NLRC3: variants seen among roughly 807,000 people sequenced by gnomAD.
NLRC3 encodes NLR family CARD domain-containing protein 3.
A neutral mutation model predicts 91.6 loss-of-function variants in NLRC3; 87 were observed. That is an observed-to-expected ratio of 0.95 (90% CI 0.80 to 1.14). The LOEUF (loss-of-function observed/expected upper bound fraction) is 1.14, where lower values mean the gene tolerates loss of function less well. NLRC3 is among the 50% of genes most tolerant of loss of function. NLRC3 has a pLI of 0.00. For missense variants in NLRC3, 1,577 were observed against 1,418.6 expected (o/e 1.11, Z -1.79); for synonymous variants, 694 against 625.3 (o/e 1.11, Z -1.64).
In NLRC3 at chr16:3,567,305, G is replaced by C. The variant is rs9931327; in HGVS notation, c.-149C>G. The C allele has an allele frequency of 6.6e-6, 1 of 152,252 alleles. No homozygotes were observed. The highest frequency in any genetic ancestry group is 2.4e-5 in the African/African-American group (1 of 41,448). The allele number at this position is 152,252 out of a possible 1,614,324, so 9.4% of individuals were successfully genotyped here. On this transcript the variant is annotated 5_prime_UTR_variant, in exon 2 of 20. Transcript: ENST00000359128. ...CCAGGAACTCAATGGATGGGGCTCAGCCTTCCGTTGTCCACAGTTCTAGGA... is the reference window on the plus strand; with the variant it reads ...CCAGGAACTCAATGGATGGGGCTCACCCTTCCGTTGTCCACAGTTCTAGGA...
chr16:3,574,320 G>A (rs905762201), intron 1 of NLRC3, among the ~76,000 whole-genome samples: 1 of 151,834 alleles, frequency 6.6e-6, no homozygotes, highest in Non-Finnish European at 1.5e-5. Context: ...AATAACCAAC[G>A]CTCGGCCTGA....
chr16:3,549,174 G>A lies in NLRC3; in HGVS notation c.2571C>T (p.Ala857=), dbSNP rs1367463800. ...SPEGAQAIAH[A]LCANSTLKNL... ...TCTTCAGGGTGCTGTTGGCGCAGAG[G>A]GCATGAGCGATGGCCTGGGCTCCCT... Residue 857 remains alanine (A), a synonymous_variant, in exon 13 of 20, where the codon GCC becomes GCT. Coordinates refer to ENST00000359128, the MANE Select transcript of NLRC3 (RefSeq NM_178844.4). The A allele has an allele frequency of 1.3e-6, 2 of 1,587,566 alleles. No individual in the cohort carries two copies. Among genetic ancestry groups the A allele is most frequent in the Non-Finnish European group, 1.7e-6 (2 of 1,166,722 alleles).
intron 1 of NLRC3, among the ~76,000 whole-genome samples, chr16:3,571,544 TA>T (rs77866901): frequency 0.047 from 5,494 of 118,086 alleles, 110 homozygotes; most frequent in Middle Eastern, 0.11. Context: ...ACCCTGGCTT[TA>T]AAAAAAAAAA....
chr16:3,561,995 G>A (rs926465604), intron 5 of NLRC3, among the ~76,000 whole-genome samples: 2 of 152,186 alleles, frequency 1.3e-5, no homozygotes, highest in African/African-American at 4.8e-5. Flanking sequence ...TGTGCAGAAC[G>A]GCATCTTCCA....
In NLRC3 at chr16:3,577,243, G is replaced by A. The variant is rs533707122; in HGVS notation, c.-263C>T. ...CTGGGCTCAGCCCTGCTCCAGCTGC[G>A]TGGTGGTAGATGCCCTGGGAATCCC... is the stretch of plus-strand genomic sequence containing the variant. On this transcript the variant is annotated 5_prime_UTR_variant, in exon 1 of 20. It adds an upstream start codon to the 5' untranslated region. Coordinates refer to ENST00000359128, the MANE Select transcript of NLRC3 (RefSeq NM_178844.4). The A allele has an allele frequency of 3.4e-5, 24 of 702,014 alleles. No individual in the cohort carries two copies. The highest frequency in any genetic ancestry group is 1.0e-4 in the South Asian group (7 of 67,534). The allele number at this position is 702,014 out of a possible 1,614,324, so 43.5% of individuals were successfully genotyped here. A position where few individuals can be genotyped will look rare whatever the true frequency, so the allele number is the denominator to read the frequency against.
chr16:3,569,397 A>ATT lies in NLRC3; in HGVS notation c.-168-2075_-168-2074dup, dbSNP rs1203778704. On this transcript the variant is annotated intron_variant, in intron 1 of 19. Coordinates refer to ENST00000359128, the MANE Select transcript of NLRC3 (RefSeq NM_178844.4). ...ATATATATATATATATATATATATT[A>ATT]TTTTTTTTTTTTTTTTTTTTTTTTG... 6.4e-3 allele frequency among the ~76,000 whole-genome samples: 264 copies of ATT among 41,024 alleles called. 8 individuals carry two copies. Among genetic ancestry groups the ATT allele is most frequent in the African/African-American group, 0.012 (100 of 8,074 alleles). 26.9% of individuals were successfully genotyped at this position (41,024 alleles called of 152,430 possible).
rs2038330353 is a variant in NLRC3 at position 3,539,839 on chromosome 16, G to A, written c.*1986C>T. 6.6e-6 allele frequency: 1 copy of A among 152,206 alleles called. No homozygotes were observed. The highest frequency in any genetic ancestry group is 1.5e-5 in the Non-Finnish European group (1 of 68,040). The allele number at this position is 152,206 out of a possible 1,614,324, so 9.4% of individuals were successfully genotyped here. A position where few individuals can be genotyped will look rare whatever the true frequency, so the allele number is the denominator to read the frequency against. ...AGTCTAGGATCCAGTCAGAGATCTT[G>A]CATTAAATTATATCTCTGTAATCTT... is the stretch of plus-strand genomic sequence containing the variant. On this transcript the variant is annotated 3_prime_UTR_variant, in exon 20 of 20. Coordinates refer to ENST00000359128, the MANE Select transcript of NLRC3 (RefSeq NM_178844.4).
At chr16:3,550,735 A>C (rs80269975) in intron 10 of NLRC3, among the ~76,000 whole-genome samples, 1 of 152,160 alleles carries the variant, frequency 6.6e-6, no homozygotes, top group South Asian at 2.1e-4. Flanking sequence ...AGAAGGGTCA[A>C]CCCTTCAGTG....
rs138491174 is a variant in NLRC3 at position 3,554,730 on chromosome 16, T to C, written c.2184-405A>G. ...TGGCAGGTCCTTAAAAGGTTAAACA[T>C]GGGTTGACCATGTGACCCAGCAATT... On this transcript the variant is annotated intron_variant, in intron 8 of 19. Transcript: ENST00000359128. 4.7e-4 allele frequency among the ~76,000 whole-genome samples: 71 copies of C among 152,280 alleles called. No homozygotes were observed. In the East Asian group the frequency reaches 5.2e-3, roughly 11 times the overall value.
rs2038334768 is a variant in NLRC3 at position 3,540,003 on chromosome 16, T to G, written c.*1822A>C. 6.6e-6 allele frequency: 1 copy of G among 152,246 alleles called. No individual in the cohort carries two copies. Among genetic ancestry groups the G allele is most frequent in the African/African-American group, 2.4e-5 (1 of 41,462 alleles). The allele number at this position is 152,246 out of a possible 1,614,324, so 9.4% of individuals were successfully genotyped here. On this transcript the variant is annotated 3_prime_UTR_variant, in exon 20 of 20. Coordinates refer to ENST00000359128, the MANE Select transcript of NLRC3 (RefSeq NM_178844.4). The stretch of plus-strand genomic sequence containing the variant: ...TTTCATGATTAGAATCAGGCAAACA[T>G]TTTTTGACAAGAATACATCAGAGAC...
chr16:3,542,312 C>T (rs1336437706), intron 18 of NLRC3, 38 bp from the exon 19 acceptor site: 1 of 1,344,910 alleles, frequency 7.4e-7, no homozygotes, highest in Non-Finnish European at 1.0e-6. Flanking sequence ...GGTGAGCCAT[C>T]AGGGCAGAAG....
At chr16:3,542,048 C>T in intron 19 of NLRC3, 133 bp from the exon 20 acceptor site, 1 of 794,876 alleles carries the variant, frequency 1.3e-6, no homozygotes, top group Non-Finnish European at 2.1e-6. Flanking sequence ...ATGGACAAGG[C>T]TCAGGGTACC....
intron 1 of NLRC3, among the ~76,000 whole-genome samples, chr16:3,572,639 A>G (rs1000924606): frequency 6.6e-6 from 1 of 152,182 alleles, no homozygotes; most frequent in African/African-American, 2.4e-5. Context: ...TAGTATAACA[A>G]TTCTGGATTA....
chr16:3,560,383 ACTGCACTCC>A (rs2039551711), intron 6 of NLRC3, among the ~76,000 whole-genome samples: 4 of 152,026 alleles, frequency 2.6e-5, no homozygotes, highest in Non-Finnish European at 4.4e-5. Context: ...AGATCGTGCC[ACTGCACTCC>A]AGCCTGCCCA....
At chr16:3,562,844 G>A in intron 5 of NLRC3, 165 bp downstream of exon 5, 1 of 734,286 alleles carries the variant, frequency 1.4e-6, no homozygotes, top group Non-Finnish European at 2.4e-6. Context: ...CTGGCCTCCA[G>A]AACTGCGAGA....
chr16:3,575,165 T>C (rs2040238293), intron 1 of NLRC3, among the ~76,000 whole-genome samples: 1 of 152,208 alleles, frequency 6.6e-6, no homozygotes, highest in Non-Finnish European at 1.5e-5. Context: ...GCTTTCATCC[T>C]GGACACTGTC....
At position 3,563,185 on chromosome 16, in the gene NLRC3, C is replaced by T. The variant is rs763292342; in HGVS notation, c.1752G>A (p.Glu584=). ...CCAGGGCCCCGCTCTCCATGGCCTC[C>T]TCCACGCTGCGGGCCAGCTCGGTGT... ...LQHTELARSV[E]EAMESGALAR... Residue 584 remains glutamate (E), a synonymous_variant, in exon 5 of 20, where the codon GAG becomes GAA. Transcript: ENST00000359128. The T allele has an allele frequency of 1.3e-5, 21 of 1,594,074 alleles. No homozygotes were observed. The highest frequency in any genetic ancestry group is 1.4e-5 in the Non-Finnish European group (16 of 1,172,770).
chr16:3,547,125 C>G (rs745931730), intron 15 of NLRC3, among the ~76,000 whole-genome samples: 9 of 152,346 alleles, frequency 5.9e-5, no homozygotes, highest in Admixed American at 5.9e-4. Context: ...CCGTTCCTAA[C>G]AGCCAAGTAG....
At chr16:3,569,389 TA>T (rs1567153865) in intron 1 of NLRC3, among the ~76,000 whole-genome samples, 48 of 106,042 alleles carry the variant, frequency 4.5e-4, no homozygotes, top group African/African-American at 6.5e-4. Flanking sequence ...TATATATATA[TA>T]TATATTATTT....
Sources: allele counts gnomAD v4.1 joint callset (sites outside exome capture counted in the v4.1 genomes callset), GRCh38; gene constraint gnomAD v4.1.1; transcripts MANE v1.5; gene names NCBI Gene and HGNC (gene_info 2026-07-23, HGNC 2026-07-21).